GLTP: variants seen among roughly 807,000 people sequenced by gnomAD.
GLTP encodes glycolipid transfer protein.
A neutral mutation model predicts 24.0 loss-of-function variants in GLTP; 22 were observed. The observed-to-expected ratio is 0.92, with a 90% CI of 0.65 to 1.31. The LOEUF (loss-of-function observed/expected upper bound fraction) is 1.31. GLTP is among the 50% of genes most tolerant of loss of function. The pLI is 0.00. For synonymous variants in GLTP, 92 were observed against 115.9 expected (o/e 0.79, Z 1.33); for missense variants, 224 against 276.6 (o/e 0.81, Z 1.35).
chr12:109,852,108 CAAAGTGCTGGG>C lies in GLTP; in HGVS notation c.*436_*446del, dbSNP rs1892732652. ...AGGTGATCCACCCGCCTCAGCCTCC[CAAAGTGCTGGG>C]ATTACAGGCGTGAGCCACGGTGCCC... On this transcript the variant is annotated 3_prime_UTR_variant, in exon 5 of 5. Coordinates refer to ENST00000318348, the MANE Select transcript of GLTP (RefSeq NM_016433.4). 1 of 152,926 alleles carries C rather than the reference CAAAGTGCTGGG, an allele frequency of 6.5e-6. No homozygotes were observed. The highest frequency in any genetic ancestry group is 2.0e-4 in the South Asian group (1 of 4,906). 9.5% of individuals were successfully genotyped at this position (152,926 alleles called of 1,614,324 possible). A position where few individuals can be genotyped will look rare whatever the true frequency, so the allele number is the denominator to read the frequency against.
Position 109,855,091 on chromosome 12 carries a change from C to T in GLTP, c.447+528G>A, listed in dbSNP as rs1892778116. Among the ~76,000 whole-genome samples the T allele has an allele frequency of 1.3e-5, 2 of 152,176 alleles. No homozygotes were observed. Among genetic ancestry groups the T allele is most frequent in the African/African-American group, 4.8e-5 (2 of 41,450 alleles). ...CGCAAGTCTCCTGAGCAGGGCTGTC[C>T]GCCTGGTGATCAACTGTAGGGCCCT... On this transcript the variant is annotated intron_variant, in intron 4 of 4. Transcript: ENST00000318348. This position sits in a 1 kb window ranked among gnomAD's most constrained non-coding sequence, Gnocchi z 4.1.
intron 2 of GLTP, chr12:109,858,291 G>A (rs759454456): frequency 1.3e-5 from 6 of 451,030 alleles, no homozygotes; most frequent in African/African-American, 4.0e-5. Context: ...TGGGCCCTAG[G>A]TGGATTCTCA....
At chr12:109,863,739 C>A (rs1047089879) in intron 1 of GLTP, among the ~76,000 whole-genome samples, 1 of 152,202 alleles carries the variant, frequency 6.6e-6, no homozygotes, top group African/African-American at 2.4e-5. Flanking sequence ...AGGTGTCACA[C>A]GTGCAAAGTG....
At chr12:109,876,642 AAG>A (rs766962014) in intron 1 of GLTP, among the ~76,000 whole-genome samples, 10 of 149,336 alleles carry the variant, frequency 6.7e-5, no homozygotes, top group Admixed American at 2.6e-4. Context: ...GAAGAAAAGA[AAG>A]AAGGAAAGGA....
chr12:109,878,982 C>T (rs565956891), intron 1 of GLTP, among the ~76,000 whole-genome samples: 22 of 152,330 alleles, frequency 1.4e-4, no homozygotes, highest in East Asian at 3.9e-4. Flanking sequence ...TTGGCACTTA[C>T]GGCCTCGGTA....
At chr12:109,867,258 C>A (rs1040485021) in intron 1 of GLTP, among the ~76,000 whole-genome samples, 1 of 152,024 alleles carries the variant, frequency 6.6e-6, no homozygotes, top group African/African-American at 2.4e-5. Context: ...AAGCAATTCT[C>A]GTGCCTCAGC....
intron 1 of GLTP, among the ~76,000 whole-genome samples, chr12:109,859,337 T>C (rs1479633565): frequency 6.6e-6 from 1 of 152,196 alleles, no homozygotes; most frequent in African/African-American, 2.4e-5. Context: ...CTGGTCAACA[T>C]GGTGAAACCT....
At chr12:109,876,580 GGAAGGGAGGAAGAGAGGAAGGGAA>G (rs1868887761) in intron 1 of GLTP, among the ~76,000 whole-genome samples, 1 of 145,080 alleles carries the variant, frequency 6.9e-6, no homozygotes, top group South Asian at 2.2e-4. Context: ...GAAAGAGGAA[GGAAGGGAGGAAGAGAGGAAGGGAA>G]GAAGGGAGGA....
Position 109,880,381 on chromosome 12 carries a change from G to A in GLTP, c.-7C>T, listed in dbSNP as rs1306092376. Reference sequence around the variant, plus strand: ...GTTCGGCCAGCAGCGCCATTTCGGGGTCGAGGCCCGCGGTGATGCCCCAGC... The same window carrying A: ...GTTCGGCCAGCAGCGCCATTTCGGGATCGAGGCCCGCGGTGATGCCCCAGC... On this transcript the variant is annotated 5_prime_UTR_variant, in exon 1 of 5. Transcript: ENST00000318348. The surrounding 1 kb of genome is among the most constrained non-coding windows in gnomAD (Gnocchi z 5.1). 1 of 1,562,344 alleles carries A rather than the reference G, an allele frequency of 6.4e-7. No individual in the cohort carries two copies. The highest frequency in any genetic ancestry group is 8.7e-7 in the Non-Finnish European group (1 of 1,152,854).
At chr12:109,865,264 C>T (rs1371900132) in intron 1 of GLTP, among the ~76,000 whole-genome samples, 1 of 152,088 alleles carries the variant, frequency 6.6e-6, no homozygotes, top group Non-Finnish European at 1.5e-5. Context: ...TAGTTCATGA[C>T]CTTCAGGGAG....
chr12:109,877,650 A>G (rs1232793513), intron 1 of GLTP, among the ~76,000 whole-genome samples: 1 of 152,176 alleles, frequency 6.6e-6, no homozygotes, highest in East Asian at 1.9e-4. Flanking sequence ...GACTTGGAGG[A>G]AACTGTAGCT....
chr12:109,878,042 T>TAATA (rs1310689007), intron 1 of GLTP, among the ~76,000 whole-genome samples: 1 of 152,174 alleles, frequency 6.6e-6, no homozygotes, highest in Non-Finnish European at 1.5e-5. Context: ...GGCTTCTGTA[T>TAATA]AAATGGTACT....
Position 109,855,833 on chromosome 12 carries a change from T to G in GLTP, c.297-64A>C. The G allele has an allele frequency of 7.2e-7, 1 of 1,386,044 alleles. No homozygotes were observed. The highest frequency in any genetic ancestry group is 9.6e-7 in the Non-Finnish European group (1 of 1,041,098). The allele number at this position is 1,386,044 out of a possible 1,614,324, so 85.9% of individuals were successfully genotyped here. ...ACAGCCCTGTCGTGAAAGACCCTGA[T>G]GGACTCTGAATTTGCCACCTACTGT... On this transcript the variant is annotated intron_variant, in intron 3 of 4. Coordinates refer to ENST00000318348, the MANE Select transcript of GLTP (RefSeq NM_016433.4). The surrounding 1 kb of genome is among the most constrained non-coding windows in gnomAD (Gnocchi z 4.1).
intron 4 of GLTP, among the ~76,000 whole-genome samples, chr12:109,854,761 G>T (rs1260486291): frequency 6.6e-6 from 1 of 152,208 alleles, no homozygotes; most frequent in Non-Finnish European, 1.5e-5. Flanking sequence ...GGGCCCATGG[G>T]AATGGGCCCT....
chr12:109,856,598 G>T (rs566512954), intron 3 of GLTP, among the ~76,000 whole-genome samples: 2 of 152,136 alleles, frequency 1.3e-5, no homozygotes, highest in African/African-American at 4.8e-5. Context: ...TCCCACTGGG[G>T]TCCCCAGATG....
In GLTP at chr12:109,869,868, C is replaced by T. The variant is rs1454874970; in HGVS notation, c.103+10404G>A. ...CACTGCAACCTCCACCTCCCAGGTT[C>T]GCACCATTCTCCTGCCTCAGCCTCC... On this transcript the variant is annotated intron_variant, in intron 1 of 4. Coordinates refer to ENST00000318348, the MANE Select transcript of GLTP (RefSeq NM_016433.4). Among the ~76,000 whole-genome samples the T allele has an allele frequency of 2.6e-5, 4 of 151,948 alleles. 1 individual carries two copies. Among genetic ancestry groups the T allele is most frequent in the Admixed American group, 2.6e-4 (4 of 15,242 alleles).
chr12:109,867,649 C>A (rs1352683879), intron 1 of GLTP, among the ~76,000 whole-genome samples: 1 of 152,184 alleles, frequency 6.6e-6, no homozygotes, highest in Admixed American at 6.5e-5. Context: ...TCCCTGTAAG[C>A]CAGCAGTGAC....
chr12:109,864,140 G>T (rs7955379), intron 1 of GLTP, among the ~76,000 whole-genome samples: 78,848 of 151,896 alleles, frequency 0.52, 20,899 homozygotes, highest in South Asian at 0.61. Context: ...AGGAATGTGG[G>T]GCCTCAAATG....
intron 1 of GLTP, among the ~76,000 whole-genome samples, chr12:109,878,090 G>C (rs1035114016): frequency 1.3e-5 from 2 of 152,176 alleles, no homozygotes; most frequent in Non-Finnish European, 2.9e-5. Context: ...CACAGGGATT[G>C]CAACAAAGAC....
Sources: gnomAD v4.1 joint callset for allele counts (sites outside exome capture counted in the v4.1 genomes callset) on GRCh38, gnomAD v4.1.1 for gene constraint, Gnocchi (gnomAD v3.1) non-coding constraint, MANE v1.5 for transcripts, NCBI Gene and HGNC (gene_info 2026-07-23, HGNC 2026-07-21) for gene names.